STK32B: variants seen among roughly 807,000 people sequenced by gnomAD.
STK32B encodes the protein serine/threonine-protein kinase 32B.
STK32B carries 43 observed loss-of-function variants against 52.6 expected under a neutral mutation model. The ratio of observed to expected loss-of-function variants is 0.82; its 90% CI spans 0.64 to 1.05. STK32B has a LOEUF of 1.05. Among genes scored for constraint, STK32B ranks in the 50% least tolerant of loss-of-function variants. STK32B has a pLI of 0.00. For synonymous variants in STK32B, 238 were observed against 204.3 expected (o/e 1.17, Z -1.41); for missense variants, 621 against 534.6 (o/e 1.16, Z -1.59).
At chr4:5,231,992 C>T (rs1218529088) in intron 3 of STK32B, among the ~76,000 whole-genome samples, 1 of 152,122 alleles carries the variant, frequency 6.6e-6, no homozygotes, top group East Asian at 1.9e-4. Flanking sequence ...TCATTGAGAA[C>T]ATACTAGCCG....
chr4:5,206,373 C>T (rs948576172), intron 3 of STK32B, among the ~76,000 whole-genome samples: 7 of 152,174 alleles, frequency 4.6e-5, no homozygotes, highest in African/African-American at 9.7e-5. Flanking sequence ...CTTTAAATAT[C>T]CTCCACTGTT....
At chr4:5,283,628 A>G (rs1283003547) in intron 3 of STK32B, among the ~76,000 whole-genome samples, 1 of 152,188 alleles carries the variant, frequency 6.6e-6, no homozygotes, top group African/African-American at 2.4e-5. Flanking sequence ...GAGCCCCAAG[A>G]TGGCTTTCAA....
At chr4:5,230,178 C>A (rs1207595064) in intron 3 of STK32B, among the ~76,000 whole-genome samples, 1 of 71,120 alleles carries the variant, frequency 1.4e-5, no homozygotes, top group Non-Finnish European at 2.4e-5. Flanking sequence ...CATGCATTCC[C>A]TTTTTTTTTT....
intron 1 of STK32B, among the ~76,000 whole-genome samples, chr4:5,066,894 C>G (rs576775720): frequency 6.6e-6 from 1 of 152,298 alleles, no homozygotes; most frequent in Admixed American, 6.5e-5. Flanking sequence ...CTGGGTAATT[C>G]CTCCTAGAAG....
At chr4:5,307,659 G>A (rs1225763340) in intron 3 of STK32B, among the ~76,000 whole-genome samples, 1 of 151,206 alleles carries the variant, frequency 6.6e-6, no homozygotes, top group Non-Finnish European at 1.5e-5. Context: ...TCTATTGCTG[G>A]TTAGCTAGTG....
chr4:5,156,107 A>G (rs1717812395), intron 2 of STK32B, among the ~76,000 whole-genome samples: 1 of 151,592 alleles, frequency 6.6e-6, no homozygotes, highest in African/African-American at 2.4e-5. Context: ...ACATATATAC[A>G]CTCAATGTAT....
chr4:5,372,575 A>C (rs1035525289), intron 4 of STK32B, among the ~76,000 whole-genome samples: 7 of 152,074 alleles, frequency 4.6e-5, no homozygotes, highest in African/African-American at 1.7e-4. Flanking sequence ...AAAATTTCAG[A>C]ATGTTTAAAA....
intron 3 of STK32B, among the ~76,000 whole-genome samples, chr4:5,293,598 G>A (rs577629953): frequency 1.3e-5 from 2 of 152,230 alleles, no homozygotes; most frequent in African/African-American, 4.8e-5. Context: ...TTTGAGAAGT[G>A]TCTGTTCATG....
chr4:5,147,086 T>G (rs781148255), intron 2 of STK32B, among the ~76,000 whole-genome samples: 2 of 152,186 alleles, frequency 1.3e-5, no homozygotes, highest in Non-Finnish European at 2.9e-5. Context: ...TTTAAAAGTC[T>G]ATTTTAGTGA....
intron 6 of STK32B, among the ~76,000 whole-genome samples, chr4:5,440,490 T>A (rs1000800891): frequency 1.3e-5 from 2 of 152,222 alleles, no homozygotes; most frequent in African/African-American, 4.8e-5. Context: ...CTTATCAGCT[T>A]AAGGAGATTT....
intron 5 of STK32B, among the ~76,000 whole-genome samples, chr4:5,412,259 C>T (rs1314261303): frequency 6.6e-6 from 1 of 152,132 alleles, no homozygotes; most frequent in African/African-American, 2.4e-5. Flanking sequence ...TAAACCAGTT[C>T]GTATTTTCAC....
At chr4:5,035,584 C>T in the STK32B span, among the ~76,000 whole-genome samples, 1 of 152,152 alleles carries the variant, frequency 6.6e-6, no homozygotes, top group Non-Finnish European at 1.5e-5. Flanking sequence ...TGCTCTTTGT[C>T]AGAGTCAGGG....
At chr4:5,238,245 G>A (rs1234292968) in intron 3 of STK32B, among the ~76,000 whole-genome samples, 2 of 152,112 alleles carry the variant, frequency 1.3e-5, no homozygotes, top group Admixed American at 6.6e-5. Context: ...TGTGGGAGAG[G>A]CTCCTTCCTT....
chr4:5,318,102 C>G (rs1254975990), intron 3 of STK32B, among the ~76,000 whole-genome samples: 1 of 150,758 alleles, frequency 6.6e-6, no homozygotes, highest in Non-Finnish European at 1.5e-5. Flanking sequence ...TGCTTGTGCA[C>G]GTGTGTGTGT....
intron 3 of STK32B, among the ~76,000 whole-genome samples, chr4:5,271,632 A>G (rs986792376): frequency 2.0e-5 from 3 of 148,008 alleles, no homozygotes; most frequent in African/African-American, 7.9e-5. Flanking sequence ...CTTCCTACCC[A>G]TGAGCATGGA....
At chr4:5,483,928 T>G (rs1415335617) in intron 11 of STK32B, among the ~76,000 whole-genome samples, 1 of 152,180 alleles carries the variant, frequency 6.6e-6, no homozygotes, top group Non-Finnish European at 1.5e-5. Flanking sequence ...TGAGTTCTAG[T>G]TTGATTGCAC....
chr4:5,443,049 A>G lies in STK32B; in HGVS notation c.563-3624A>G, dbSNP rs1359705497. ...GGCTGCCCTTAACATTTTTTCCTTC[A>G]TTTCAACTTTGGTGAATCTGACAAT... On this transcript the variant is annotated intron_variant, in intron 6 of 11. Coordinates refer to ENST00000282908, the MANE Select transcript of STK32B (RefSeq NM_018401.3). 2.9e-4 allele frequency among the ~76,000 whole-genome samples: 43 copies of G among 149,392 alleles called. 1 individual carries two copies. The highest frequency in any genetic ancestry group is 2.6e-3 in the Admixed American group (39 of 14,988).
chr4:5,319,097 C>G (rs1428929982), intron 3 of STK32B, among the ~76,000 whole-genome samples: 1 of 152,168 alleles, frequency 6.6e-6, no homozygotes, highest in African/African-American at 2.4e-5. Flanking sequence ...AGCCACCACG[C>G]CTGGCTAAAA....
intron 11 of STK32B, among the ~76,000 whole-genome samples, chr4:5,483,991 G>A (rs971243232): frequency 2.0e-5 from 3 of 152,128 alleles, no homozygotes; most frequent in Non-Finnish European, 4.4e-5. Context: ...ATTTGCTGAG[G>A]AGTGCTTTAC....
Sources: gnomAD v4.1 joint callset for allele counts (sites outside exome capture counted in the v4.1 genomes callset) on GRCh38, gnomAD v4.1.1 for gene constraint, MANE v1.5 for transcripts, NCBI Gene and HGNC (gene_info 2026-07-23, HGNC 2026-07-21) for gene names.